CNNM2: variants seen among roughly 807,000 people sequenced by gnomAD.
CNNM2 encodes the protein cyclin and CBS domain divalent metal cation transport mediator 2.
CNNM2 carries 12 observed loss-of-function variants against 66.9 expected under a neutral mutation model. The observed-to-expected ratio is 0.18, with a 90% CI of 0.11 to 0.29. The LOEUF is 0.29. Among genes scored for constraint, CNNM2 ranks in the 10% least tolerant of loss-of-function variants. CNNM2 has a pLI of 1.00. For missense variants in CNNM2, 705 were observed against 1,167.7 expected, an observed-to-expected ratio of 0.60 and a Z score of 5.77; for synonymous variants, 557 against 501.8, an observed-to-expected ratio of 1.11 and a Z score of -1.47.
chr10:103,012,257 G>T (rs2064357260), intron 1 of CNNM2, among the ~76,000 whole-genome samples: 1 of 152,148 alleles, frequency 6.6e-6, no homozygotes, highest in African/African-American at 2.4e-5. Context: ...TGGCCAAATT[G>T]CCCTCCAATG....
In CNNM2 at chr10:102,963,101, C is replaced by A. The variant is rs181585872; in HGVS notation, c.1621+43000C>A. On this transcript the variant is annotated intron_variant, in intron 1 of 7. Transcript: ENST00000369878. ...AAATCATATGGCCAATCAGTTTAAG[C>A]GAACTCTAAACTTCTTTGATGAGAA... is the stretch of plus-strand genomic sequence containing the variant. 2.6e-5 allele frequency among the ~76,000 whole-genome samples: 4 copies of A among 152,184 alleles called. No homozygotes were observed. The East Asian group carries it at 7.7e-4, about 29-fold the overall frequency.
In CNNM2 at chr10:103,084,395, G is replaced by C. The variant is rs1434504593; in HGVS notation, c.*7215G>C. ...CTCCCCAGGTATCGCCCAACTACCT[G>C]AAAGTAGAATGAGGTGTATCTTAGC... On this transcript the variant is annotated 3_prime_UTR_variant, in exon 8 of 8. Transcript: ENST00000369878. 6.6e-6 allele frequency: 1 copy of C among 152,204 alleles called. No homozygotes were observed. Among genetic ancestry groups the C allele is most frequent in the East Asian group, 1.9e-4 (1 of 5,196 alleles). The allele number at this position is 152,204 out of a possible 1,614,324, so 9.4% of individuals were successfully genotyped here. A position where few individuals can be genotyped will look rare whatever the true frequency, so the allele number is the denominator to read the frequency against.
intron 1 of CNNM2, among the ~76,000 whole-genome samples, chr10:103,036,793 TTTAAAC>T (rs1818824712): frequency 1.3e-5 from 2 of 152,200 alleles, no homozygotes; most frequent in South Asian, 4.1e-4. Context: ...TAAATATTTG[TTTAAAC>T]TTAAACACTA....
rs1402194113 is a variant in CNNM2, at chr10:103,049,784, G to T, written c.1699G>T (p.Val567Phe). Reference protein sequence around the residue: ...GDPFYEVLGIVTLEDVIEEII... With the variant: ...GDPFYEVLGIFTLEDVIEEII... Reference sequence around the variant, plus strand: ...TCCATTTTATGAAGTTCTGGGAATCGTCACCTTAGAAGATGTGATTGAAGA... The same window carrying T: ...TCCATTTTATGAAGTTCTGGGAATCTTCACCTTAGAAGATGTGATTGAAGA... The change falls in exon 2 of 8, where the codon GTC (valine) becomes TTC (phenylalanine). Residue 567 changes from valine (V) to phenylalanine (F), a missense_variant. Physicochemically the swap from Val to Phe is conservative, Grantham distance 50 (BLOSUM62 -1). Around this residue, in one of 9 missense-constraint regions of CNNM2, gnomAD observed 171 missense variants for 304.8 expected, o/e 0.56. Coordinates refer to ENST00000369878, the MANE Select transcript of CNNM2 (RefSeq NM_017649.5). 1.2e-6 allele frequency: 2 copies of T among 1,613,588 alleles called. No homozygotes were observed. The highest frequency in any genetic ancestry group is 1.7e-6 in the Non-Finnish European group (2 of 1,179,630).
At position 103,077,248 on chromosome 10, in the gene CNNM2, T is replaced by C. The variant is rs962447906; in HGVS notation, c.*68T>C. On this transcript the variant is annotated 3_prime_UTR_variant, in exon 8 of 8. Coordinates refer to ENST00000369878, the MANE Select transcript of CNNM2 (RefSeq NM_017649.5). ...CCGAGGGCCCGGCCCTGTCTGCCCA[T>C]GACTTCACTGGTGTGAGCTTGTCCG... The C allele has an allele frequency of 2.1e-6, 3 of 1,397,434 alleles. No homozygotes were observed. Among genetic ancestry groups the C allele is most frequent in the Non-Finnish European group, 3.0e-6 (3 of 1,000,432 alleles). The allele number at this position is 1,397,434 out of a possible 1,614,324, so 86.6% of individuals were successfully genotyped here. A position where few individuals can be genotyped will look rare whatever the true frequency, so the allele number is the denominator to read the frequency against.
At chr10:103,074,455 C>T (rs1482838532) in intron 6 of CNNM2, among the ~76,000 whole-genome samples, 1 of 152,228 alleles carries the variant, frequency 6.6e-6, no homozygotes, top group Non-Finnish European at 1.5e-5. Context: ...ACAAGGGGAA[C>T]TGCCACTCTG....
At chr10:102,984,173 T>G (rs1359738404) in intron 1 of CNNM2, among the ~76,000 whole-genome samples, 1 of 152,218 alleles carries the variant, frequency 6.6e-6, no homozygotes, top group Non-Finnish European at 1.5e-5. Flanking sequence ...GAATAAAGAC[T>G]GAAGCCCAGA....
chr10:103,007,565 C>T (rs1037237834), intron 1 of CNNM2, among the ~76,000 whole-genome samples: 3 of 152,258 alleles, frequency 2.0e-5, no homozygotes, highest in Admixed American at 2.0e-4. Context: ...TATTAATATT[C>T]CTTCCTAGGA....
chr10:103,088,329 C>T lies in CNNM2; in HGVS notation c.*11149C>T, dbSNP rs934333576. On this transcript the variant is annotated 3_prime_UTR_variant, in exon 8 of 8. Coordinates refer to ENST00000369878, the MANE Select transcript of CNNM2 (RefSeq NM_017649.5). ...TGGTGAAACAGTTTTAATACCCTAA[C>T]ATACACAGTAATGATTCATTCTTGT... is the stretch of plus-strand genomic sequence containing the variant. 6.6e-6 allele frequency: 1 copy of T among 152,236 alleles called. No homozygotes were observed. The highest frequency in any genetic ancestry group is 1.5e-5 in the Non-Finnish European group (1 of 68,038). 9.4% of individuals were successfully genotyped at this position (152,236 alleles called of 1,614,324 possible).
chr10:103,028,829 T>TTTTTTTTTTTTTTTTTTTTTTTTTC (rs2064764044), intron 1 of CNNM2, among the ~76,000 whole-genome samples: 1 of 19,874 alleles, frequency 5.0e-5, no homozygotes, highest in Admixed American at 7.2e-4. Flanking sequence ...TTTTTTTTTC[T>TTTTTTTTTTTTTTTTTTTTTTTTTC]TTTTTTTTTT....
chr10:103,022,750 G>T (rs777839377), intron 1 of CNNM2, among the ~76,000 whole-genome samples: 1 of 152,114 alleles, frequency 6.6e-6, no homozygotes, highest in South Asian at 2.1e-4. Context: ...GTTTATTTTG[G>T]CATATGGTTC....
intron 1 of CNNM2, among the ~76,000 whole-genome samples, chr10:102,956,203 G>A (rs1291375594): frequency 2.0e-5 from 3 of 151,616 alleles, no homozygotes; most frequent in Admixed American, 2.0e-4. Flanking sequence ...CAGGAGAATG[G>A]CGTGAACCCA....
chr10:103,018,274 A>C (rs1234542147), intron 1 of CNNM2, among the ~76,000 whole-genome samples: 3 of 152,102 alleles, frequency 2.0e-5, no homozygotes, highest in Non-Finnish European at 1.5e-5. Context: ...GAGAAGAGGT[A>C]AGGATGAGGC....
At position 102,968,407 on chromosome 10, in the gene CNNM2, C is replaced by T. The variant is rs12414798; in HGVS notation, c.1621+48306C>T. On this transcript the variant is annotated intron_variant, in intron 1 of 7. Transcript: ENST00000369878. The stretch of plus-strand genomic sequence containing the variant: ...GACTACAGGTGCCCAGCACCAAGCC[C>T]GGCTAATTTTTGTATTTTTAGTAGA... 0.31 allele frequency among the ~76,000 whole-genome samples: 47,430 copies of T among 151,728 alleles called. 7,509 individuals carry two copies. Among genetic ancestry groups the T allele is most frequent in the Middle Eastern group, 0.37 (109 of 292 alleles).
At chr10:102,984,960 A>G (rs771013038) in intron 1 of CNNM2, among the ~76,000 whole-genome samples, 13 of 152,072 alleles carry the variant, frequency 8.5e-5, no homozygotes, top group African/African-American at 1.2e-4. Flanking sequence ...CTCTTATTTT[A>G]AATGTCAGTT....
intron 1 of CNNM2, among the ~76,000 whole-genome samples, chr10:102,930,812 G>C (rs1846038018): frequency 6.6e-6 from 1 of 152,124 alleles, no homozygotes; most frequent in Admixed American, 6.5e-5. Flanking sequence ...GCCTTTTGTG[G>C]CTGGCTTCTT....
intron 2 of CNNM2, among the ~76,000 whole-genome samples, chr10:103,053,378 G>C (rs1268689948): frequency 6.6e-6 from 1 of 152,140 alleles, no homozygotes; most frequent in African/African-American, 2.4e-5. Flanking sequence ...TTAGCTGGGC[G>C]TGGTGGCACA....
rs1845483444 is a variant in CNNM2, at chr10:102,918,323, G to T, written c.-158G>T. The T allele has an allele frequency of 4.7e-6, 6 of 1,271,280 alleles. No homozygotes were observed. The highest frequency in any genetic ancestry group is 5.2e-6 in the Non-Finnish European group (5 of 961,708). The allele number at this position is 1,271,280 out of a possible 1,614,324, so 78.7% of individuals were successfully genotyped here. ...CCCTCTTTCCCTCCCGCGAGCCTCG[G>T]GGTTCCTCAGCTGGCTGAGGTGGAG... On this transcript the variant is annotated 5_prime_UTR_variant, in exon 1 of 8. Transcript: ENST00000369878. The surrounding 1 kb of genome is among the most constrained non-coding windows in gnomAD (Gnocchi z 4.1).
Position 103,089,589 on chromosome 10 carries a change from A to G in CNNM2, c.*12409A>G. On this transcript the variant is annotated 3_prime_UTR_variant, in exon 8 of 8. Coordinates refer to ENST00000369878, the MANE Select transcript of CNNM2 (RefSeq NM_017649.5). ...ATGGAGCCCCCTCCCTCCCCCGAGTAGAACCCTAACAGGGACCTCGTTTGT... is the reference window on the plus strand; with the variant it reads ...ATGGAGCCCCCTCCCTCCCCCGAGTGGAACCCTAACAGGGACCTCGTTTGT... 2.1e-6 allele frequency: 3 copies of G among 1,455,810 alleles called. No homozygotes were observed. The highest frequency in any genetic ancestry group is 2.7e-6 in the Non-Finnish European group (3 of 1,102,720). 90.2% of individuals were successfully genotyped at this position (1,455,810 alleles called of 1,614,324 possible). A position where few individuals can be genotyped will look rare whatever the true frequency, so the allele number is the denominator to read the frequency against.
Sources: gnomAD v4.1 joint callset for allele counts (sites outside exome capture counted in the v4.1 genomes callset) on GRCh38, gnomAD v4.1.1 for gene constraint, gnomAD v4.1.1 regional missense constraint, Gnocchi (gnomAD v3.1) non-coding constraint, MANE v1.5 for transcripts, NCBI Gene and HGNC (gene_info 2026-07-23, HGNC 2026-07-21) for gene names.